Variants in PPARGC1A observed in about 807,000 individuals in gnomAD.
PPARGC1A encodes peroxisome proliferator-activated receptor gamma coactivator 1-alpha.
A neutral mutation model predicts 88.7 loss-of-function variants in PPARGC1A; 25 were observed. That is an observed-to-expected ratio of 0.28 (90% CI 0.21 to 0.39). The LOEUF (loss-of-function observed/expected upper bound fraction) is 0.39. PPARGC1A is among the 10% of genes least tolerant of loss of function. PPARGC1A has a pLI of 1.00. For missense variants in PPARGC1A, 880 were observed against 968.7 expected, an observed-to-expected ratio of 0.91 and a Z score of 1.22; for synonymous variants, 363 against 355.6, an observed-to-expected ratio of 1.02 and a Z score of -0.24.
the PPARGC1A span, among the ~76,000 whole-genome samples, chr4:24,116,317 A>G: frequency 2.0e-5 from 3 of 152,140 alleles, no homozygotes; most frequent in African/African-American, 7.2e-5. Context: ...TTACCCTTAC[A>G]CAGGCTGATA....
the PPARGC1A span, among the ~76,000 whole-genome samples, chr4:24,277,866 T>C: frequency 1.9e-3 from 289 of 152,184 alleles, no homozygotes; most frequent in Middle Eastern, 6.8e-3. Flanking sequence ...GCTTCAGTTT[T>C]GTCATCTCTA....
the PPARGC1A span, among the ~76,000 whole-genome samples, chr4:24,057,662 T>A: frequency 6.6e-6 from 1 of 152,120 alleles, no homozygotes; most frequent in Non-Finnish European, 1.5e-5. Context: ...CGTGTGTACA[T>A]CCCTCTTCCT....
the PPARGC1A span, among the ~76,000 whole-genome samples, chr4:23,940,360 T>C: frequency 6.6e-6 from 1 of 152,166 alleles, no homozygotes; most frequent in South Asian, 2.1e-4. Context: ...AACTCCACCA[T>C]TAGCTTCAGG....
the PPARGC1A span, among the ~76,000 whole-genome samples, chr4:23,973,569 T>C: frequency 6.6e-6 from 1 of 152,264 alleles, no homozygotes; most frequent in Non-Finnish European, 1.5e-5. Context: ...ATTTATTCTA[T>C]GCATGATTTG....
intron 10 of PPARGC1A, among the ~76,000 whole-genome samples, chr4:23,805,127 TC>T (rs5856791): frequency 0.22 from 32,957 of 151,894 alleles, 4,288 homozygotes; most frequent in Admixed American, 0.32. Context: ...TGAACACTTA[TC>T]CCATTCCCTT....
At chr4:24,350,704 AG>A in the PPARGC1A span, among the ~76,000 whole-genome samples, 2 of 152,246 alleles carry the variant, frequency 1.3e-5, no homozygotes, top group East Asian at 3.9e-4. Context: ...TGTGGCTTCA[AG>A]GTCTTTATCA....
the PPARGC1A span, among the ~76,000 whole-genome samples, chr4:24,326,176 C>T: frequency 6.6e-6 from 1 of 152,142 alleles, no homozygotes; most frequent in Non-Finnish European, 1.5e-5. Context: ...AACCTAATCA[C>T]CCTTACCCCG....
At chr4:23,974,862 T>A in the PPARGC1A span, among the ~76,000 whole-genome samples, 2 of 136,392 alleles carry the variant, frequency 1.5e-5, no homozygotes, top group Non-Finnish European at 3.1e-5. Flanking sequence ...TCACAGTGTT[T>A]GCCAGGATGG....
intron 1 of PPARGC1A, among the ~76,000 whole-genome samples, chr4:23,885,893 T>C (rs1458906596): frequency 9.2e-5 from 14 of 152,144 alleles, no homozygotes; most frequent in African/African-American, 3.4e-4. Flanking sequence ...ACCAAGATTA[T>C]TTTAGATTGT....
At chr4:23,855,233 T>C (rs1729989546) in intron 2 of PPARGC1A, among the ~76,000 whole-genome samples, 1 of 152,182 alleles carries the variant, frequency 6.6e-6, no homozygotes, top group African/African-American at 2.4e-5. Flanking sequence ...TCTTTGTAAA[T>C]CACCCAGTCT....
intron 3 of PPARGC1A, 71 bp from the exon 4 acceptor site, chr4:23,829,656 TG>T: frequency 7.1e-7 from 1 of 1,409,276 alleles, no homozygotes; most frequent in South Asian, 1.5e-5. Context: ...AATAAGTTAT[TG>T]AAATTTTAAA....
At chr4:24,145,172 A>G in the PPARGC1A span, among the ~76,000 whole-genome samples, 1 of 151,982 alleles carries the variant, frequency 6.6e-6, no homozygotes, top group Non-Finnish European at 1.5e-5. Context: ...ATGTATTTAC[A>G]TATTTCATCC....
the PPARGC1A span, among the ~76,000 whole-genome samples, chr4:24,084,563 A>G: frequency 6.6e-6 from 1 of 152,168 alleles, no homozygotes; most frequent in Admixed American, 6.5e-5. Context: ...TAGACCTAGG[A>G]ATGAGTTATA....
At chr4:24,016,340 T>C in the PPARGC1A span, among the ~76,000 whole-genome samples, 4 of 152,160 alleles carry the variant, frequency 2.6e-5, no homozygotes, top group African/African-American at 9.6e-5. Flanking sequence ...ACTTAAATAT[T>C]TGAACCAATC....
the PPARGC1A span, among the ~76,000 whole-genome samples, chr4:24,190,618 T>C: frequency 6.6e-6 from 1 of 152,220 alleles, no homozygotes; most frequent in Non-Finnish European, 1.5e-5. Context: ...CCCCATTAAC[T>C]AGGTTTTATT....
At chr4:24,323,663 C>T in the PPARGC1A span, among the ~76,000 whole-genome samples, 1 of 152,224 alleles carries the variant, frequency 6.6e-6, no homozygotes, top group East Asian at 1.9e-4. Flanking sequence ...AATAAACAGC[C>T]ATGTTGCTCA....
At chr4:24,319,977 C>A in the PPARGC1A span, among the ~76,000 whole-genome samples, 2 of 152,134 alleles carry the variant, frequency 1.3e-5, no homozygotes, top group African/African-American at 4.8e-5. Flanking sequence ...ATACTAGACA[C>A]AGGTGTGCCT....
At chr4:24,202,093 G>A in the PPARGC1A span, among the ~76,000 whole-genome samples, 5 of 151,864 alleles carry the variant, frequency 3.3e-5, no homozygotes. Context: ...GTAGTGACAG[G>A]GTTTCACCAT....
the PPARGC1A span, among the ~76,000 whole-genome samples, chr4:24,097,664 G>A: frequency 6.6e-6 from 1 of 152,188 alleles, no homozygotes; most frequent in South Asian, 2.1e-4. Flanking sequence ...AAAACAAATA[G>A]ATCCAAAAAC....
Sources: allele counts gnomAD v4.1 joint callset (sites outside exome capture counted in the v4.1 genomes callset), GRCh38; gene constraint gnomAD v4.1.1; transcripts MANE v1.5; gene names NCBI Gene and HGNC (gene_info 2026-07-23, HGNC 2026-07-21).